Variants in FERRY3 observed in about 807,000 individuals in gnomAD.
FERRY3 encodes the protein FERRY endosomal RAB5 effector complex subunit 3, also known as protein C12orf4.
the FERRY3 span, among the ~76,000 whole-genome samples, chr12:4,532,088 T>A: frequency 1.3e-5 from 2 of 149,128 alleles, no homozygotes; most frequent in South Asian, 4.2e-4. Flanking sequence ...ATTGTGAATT[T>A]TTTTTTTTTT....
At chr12:4,502,215 A>C in the FERRY3 span, 1 of 307,212 alleles carries the variant, frequency 3.3e-6, no homozygotes, top group African/African-American at 2.3e-5. This position sits in a 1 kb window ranked among gnomAD's most constrained non-coding sequence, Gnocchi z 4.2. Context: ...AAATTCTTTT[A>C]TGTACATATT....
the FERRY3 span, chr12:4,530,045 C>A: frequency 6.2e-7 from 1 of 1,610,796 alleles, no homozygotes; most frequent in South Asian, 1.1e-5. Context: ...CATGCTCTAA[C>A]GTGGTCTACA....
the FERRY3 span, chr12:4,525,657 A>C: frequency 9.4e-7 from 1 of 1,069,176 alleles, no homozygotes; most frequent in Non-Finnish European, 1.4e-6. Context: ...TTCATCAAAC[A>C]ATCTCTATAA....
At chr12:4,496,029 AAG>A in the FERRY3 span, among the ~76,000 whole-genome samples, 1 of 152,228 alleles carries the variant, frequency 6.6e-6, no homozygotes, top group African/African-American at 2.4e-5. Flanking sequence ...GTATGACTCT[AAG>A]AGGAAACTAG....
chr12:4,514,280 C>A, the FERRY3 span, among the ~76,000 whole-genome samples: 1 of 150,356 alleles, frequency 6.7e-6, no homozygotes, highest in Non-Finnish European at 1.5e-5. Context: ...AATAGGAACA[C>A]TTTTACACTG....
At chr12:4,521,382 G>A in the FERRY3 span, among the ~76,000 whole-genome samples, 1 of 151,676 alleles carries the variant, frequency 6.6e-6, no homozygotes, top group Non-Finnish European at 1.5e-5. Context: ...CCGGGGAGGA[G>A]AAGAAAAAAG....
chr12:4,498,124 C>G, the FERRY3 span, among the ~76,000 whole-genome samples: 1 of 152,204 alleles, frequency 6.6e-6, no homozygotes, highest in African/African-American at 2.4e-5. Flanking sequence ...AAACATGTAA[C>G]TTTTGTAACA....
At chr12:4,509,024 G>C in the FERRY3 span, 2 of 151,774 alleles carry the variant, frequency 1.3e-5, no homozygotes, top group Non-Finnish European at 2.9e-5. Flanking sequence ...GGGAGTGCCA[G>C]ACAGTGGGCG....
the FERRY3 span, among the ~76,000 whole-genome samples, chr12:4,517,716 G>C: frequency 8.1e-5 from 12 of 147,934 alleles, no homozygotes; most frequent in African/African-American, 3.0e-4. Flanking sequence ...TAGACAGAGA[G>C]AGAGAGAGAG....
At chr12:4,490,021 A>C in the FERRY3 span, 1 of 626,954 alleles carries the variant, frequency 1.6e-6, no homozygotes, top group Non-Finnish European at 2.7e-6. Flanking sequence ...AGTAGGTGAA[A>C]ATTATCTTTC....
At chr12:4,510,856 G>A in the FERRY3 span, among the ~76,000 whole-genome samples, 1 of 151,484 alleles carries the variant, frequency 6.6e-6, no homozygotes, top group Non-Finnish European at 1.5e-5. Flanking sequence ...AAAATCACCA[G>A]CTAACATCAT....
At chr12:4,514,064 C>T in the FERRY3 span, among the ~76,000 whole-genome samples, 6 of 150,482 alleles carry the variant, frequency 4.0e-5, no homozygotes, top group Non-Finnish European at 8.9e-5. Context: ...AACAAACAAC[C>T]CCATCAAAAA....
the FERRY3 span, among the ~76,000 whole-genome samples, chr12:4,519,484 G>A: frequency 9.2e-5 from 14 of 152,198 alleles, no homozygotes; most frequent in African/African-American, 1.4e-4. This position sits in a 1 kb window ranked among gnomAD's most constrained non-coding sequence, Gnocchi z 4.3. Flanking sequence ...CCGTATCACC[G>A]TTCAATTCCA....
the FERRY3 span, chr12:4,491,160 GAGA>G: frequency 3.1e-6 from 5 of 1,609,222 alleles, no homozygotes; most frequent in Non-Finnish European, 4.2e-6. Context: ...GGTTGTCAGA[GAGA>G]AGATTATGCT....
At chr12:4,529,829 CG>C in the FERRY3 span, 4 of 1,480,036 alleles carry the variant, frequency 2.7e-6, no homozygotes, top group Non-Finnish European at 3.6e-6. Context: ...TATTTGACAA[CG>C]TAACATTTAA....
chr12:4,518,701 A>T, the FERRY3 span: 10 of 921,708 alleles, frequency 1.1e-5, no homozygotes, highest in African/African-American at 1.0e-4. Flanking sequence ...CTATTATTTT[A>T]AAAAAATAAT....
chr12:4,534,396 T>C, the FERRY3 span: 2 of 1,361,544 alleles, frequency 1.5e-6, no homozygotes, highest in African/African-American at 3.0e-5. Flanking sequence ...GAAATCTTAT[T>C]GTTAAATTTT....
chr12:4,530,544 T>C, the FERRY3 span, among the ~76,000 whole-genome samples: 1 of 152,230 alleles, frequency 6.6e-6, no homozygotes, highest in Non-Finnish European at 1.5e-5. Context: ...GTAGGTTACA[T>C]ATTTAGAAAA....
the FERRY3 span, among the ~76,000 whole-genome samples, chr12:4,514,885 TAATAAAATAA>T: frequency 6.6e-6 from 1 of 151,780 alleles, no homozygotes; most frequent in Non-Finnish European, 1.5e-5. Context: ...ACTTAAAGTA[TAATAAAATAA>T]AATAAAATAA....
Sources: allele counts gnomAD v4.1 joint callset (sites outside exome capture counted in the v4.1 genomes callset), GRCh38; gene constraint gnomAD v4.1.1; non-coding constraint Gnocchi (gnomAD v3.1); transcripts MANE v1.5; gene names NCBI Gene and HGNC (gene_info 2026-07-23, HGNC 2026-07-21).